The following UBXN4 variants were observed in gnomAD, a reference collection of about 807,000 sequenced individuals.
UBXN4 encodes the protein UBX domain-containing protein 4.
A neutral mutation model predicts 66.2 loss-of-function variants in UBXN4; 35 were observed. That is an observed-to-expected ratio of 0.53 (90% CI 0.40 to 0.70). UBXN4 has a LOEUF of 0.70. UBXN4 is among the 30% of genes least tolerant of loss of function. The pLI is 0.00. For synonymous variants in UBXN4, 203 were observed against 204.5 expected (o/e 0.99, Z 0.06); for missense variants, 533 against 599.8 (o/e 0.89, Z 1.16).
At chr2:135,767,456 A>G (rs1030583236) in intron 6 of UBXN4, among the ~76,000 whole-genome samples, 5 of 152,122 alleles carry the variant, frequency 3.3e-5, no homozygotes, top group Non-Finnish European at 5.9e-5. Context: ...GATGATCACT[A>G]TCCTGAATCG....
intron 6 of UBXN4, 70 bp from the exon 7 acceptor site, chr2:135,769,699 A>G (rs779895355): frequency 6.2e-6 from 7 of 1,134,538 alleles, no homozygotes; most frequent in Non-Finnish European, 8.5e-6. Context: ...AGCTAAATCC[A>G]TCTCCTAAAT....
chr2:135,755,965 A>G (rs2077277029), intron 5 of UBXN4, among the ~76,000 whole-genome samples: 1 of 152,216 alleles, frequency 6.6e-6, no homozygotes, highest in African/African-American at 2.4e-5. Context: ...ATGTCATGAC[A>G]CTGAGCAGTT....
chr2:135,760,892 C>T (rs751560979), intron 5 of UBXN4, among the ~76,000 whole-genome samples: 3 of 152,228 alleles, frequency 2.0e-5, no homozygotes, highest in Admixed American at 6.5e-5. Context: ...AGGTTATGCC[C>T]CTGAATGGGG....
intron 11 of UBXN4, 108 bp downstream of exon 11, chr2:135,779,187 A>G: frequency 2.5e-6 from 3 of 1,196,180 alleles, no homozygotes; most frequent in Non-Finnish European, 3.3e-6. Context: ...ACTGAAGGTA[A>G]TTAAAATTCA....
rs1327010489 is a variant in UBXN4 at position 135,779,011 on chromosome 2, AAAG to A, written c.1122_1124del (p.Glu374del). The stretch of plus-strand genomic sequence containing the variant: ...CATGTTTCCCAGGAGGGAATTTACC[AAAG>A]AAGATTATAAAAAGAAGTTACTGGA... On this transcript the variant is annotated inframe_deletion, in exon 11 of 13. Transcript: ENST00000272638. The A allele has an allele frequency of 6.2e-7, 1 of 1,613,760 alleles. No homozygotes were observed. The highest frequency in any genetic ancestry group is 8.5e-7 in the Non-Finnish European group (1 of 1,179,918).
At chr2:135,747,107 T>C (rs1387887452) in intron 1 of UBXN4, among the ~76,000 whole-genome samples, 1 of 152,042 alleles carries the variant, frequency 6.6e-6, no homozygotes, top group Admixed American at 6.6e-5. Context: ...GGAGTTACCA[T>C]AAACGAATAA....
chr2:135,756,765 T>C (rs760876627), intron 5 of UBXN4, among the ~76,000 whole-genome samples: 3 of 152,228 alleles, frequency 2.0e-5, no homozygotes, highest in Non-Finnish European at 4.4e-5. Context: ...TTAGCATTAC[T>C]TATTGTACAG....
chr2:135,775,185 G>T (rs576001090), intron 9 of UBXN4, among the ~76,000 whole-genome samples: 9 of 152,322 alleles, frequency 5.9e-5, no homozygotes, highest in African/African-American at 2.2e-4. Context: ...GAACCTTTCT[G>T]TGTTACTGGT....
chr2:135,775,650 G>T (rs1199735675), intron 9 of UBXN4, among the ~76,000 whole-genome samples: 6 of 152,194 alleles, frequency 3.9e-5, no homozygotes, highest in Non-Finnish European at 8.8e-5. Flanking sequence ...GGGAGTGACT[G>T]CTGATGGGGT....
Position 135,783,251 on chromosome 2 carries a change from C to T in UBXN4, c.*364C>T, listed in dbSNP as rs1355750384. ...TCCAAGACTCTTAAGCCCAAAGTAA[C>T]TGGTATGTCACTGAGTAACTTGACT... On this transcript the variant is annotated 3_prime_UTR_variant, in exon 13 of 13. Coordinates refer to ENST00000272638, the MANE Select transcript of UBXN4 (RefSeq NM_014607.4). 6.3e-6 allele frequency: 1 copy of T among 158,042 alleles called. No homozygotes were observed. Among genetic ancestry groups the T allele is most frequent in the Non-Finnish European group, 1.4e-5 (1 of 72,066 alleles). 9.8% of individuals were successfully genotyped at this position (158,042 alleles called of 1,614,324 possible). A position where few individuals can be genotyped will look rare whatever the true frequency, so the allele number is the denominator to read the frequency against.
intron 8 of UBXN4, 34 bp downstream of exon 8, chr2:135,770,769 G>A (rs745602341): frequency 6.9e-7 from 1 of 1,446,790 alleles, no homozygotes; most frequent in Non-Finnish European, 9.1e-7. Context: ...TCGTGAAACT[G>A]TTTTTCTGTG....
At chr2:135,780,497 C>T (rs2077443269) in intron 12 of UBXN4, 112 bp downstream of exon 12, 17 of 943,070 alleles carry the variant, frequency 1.8e-5, no homozygotes, top group South Asian at 7.9e-5. Context: ...CCAGTTCCCA[C>T]GGTGGAGGAG....
chr2:135,741,958 C>T lies in UBXN4; in HGVS notation c.29C>T (p.Ala10Val), dbSNP rs1485235372. Residue 10 changes from alanine to valine, a missense_variant, in exon 1 of 13, where the codon GCC becomes GTC. By Grantham distance (64) the Ala-to-Val change is moderately conservative. Coordinates refer to ENST00000272638, the MANE Select transcript of UBXN4 (RefSeq NM_014607.4). The part of the protein sequence containing the change: MLWFQGAIP[A>V]AIATAKRSGA... ...CTGTGGTTCCAGGGCGCCATTCCGG[C>T]CGCCATCGCGACGGCCAAAAGGAGC... is the stretch of plus-strand genomic sequence containing the variant. 2 of 1,613,158 alleles carry T rather than the reference C, an allele frequency of 1.2e-6. No individual in the cohort carries two copies. Among genetic ancestry groups the T allele is most frequent in the African/African-American group, 1.3e-5 (1 of 74,882 alleles).
Position 135,784,604 on chromosome 2 carries a change from AAG to A in UBXN4, c.*1719_*1720del, listed in dbSNP as rs1376265278. On this transcript the variant is annotated 3_prime_UTR_variant, in exon 13 of 13. Coordinates refer to ENST00000272638, the MANE Select transcript of UBXN4 (RefSeq NM_014607.4). ...CATAACTTAAAAAGTGAGTTTGAAA[AAG>A]AAAATCTCCAGCAAGCATCTCATTT... is the stretch of plus-strand genomic sequence containing the variant. 6.5e-6 allele frequency: 1 copy of A among 152,674 alleles called. No homozygotes were observed. The highest frequency in any genetic ancestry group is 1.5e-5 in the Non-Finnish European group (1 of 68,032). 9.5% of individuals were successfully genotyped at this position (152,674 alleles called of 1,614,324 possible). A position where few individuals can be genotyped will look rare whatever the true frequency, so the allele number is the denominator to read the frequency against.
At chr2:135,768,607 A>C (rs559351697) in intron 6 of UBXN4, among the ~76,000 whole-genome samples, 2 of 151,184 alleles carry the variant, frequency 1.3e-5, no homozygotes, top group Non-Finnish European at 2.9e-5. Flanking sequence ...ACTCTCGCCC[A>C]GGCTGGAGTA....
chr2:135,769,813 A>T lies in UBXN4; in HGVS notation c.647A>T (p.Glu216Val). ...LEERREEKRK[E>V]EEQREIKKEI... ...GAAAGGAGAGAAGAGAAAAGAAAAG[A>T]GGAAGAACAGGTAAAGTTCATGCAG... is the stretch of plus-strand genomic sequence containing the variant. The change falls in exon 7 of 13, where the codon GAG becomes GTG. Residue 216 changes from glutamate to valine, a missense_variant. This residue lies in a region of UBXN4 where 529 missense variants were observed against 580.1 expected (regional missense o/e 0.91). Transcript: ENST00000272638. 3 of 1,599,196 alleles carry T rather than the reference A, an allele frequency of 1.9e-6. No homozygotes were observed. The highest frequency in any genetic ancestry group is 2.6e-6 in the Non-Finnish European group (3 of 1,174,968).
At chr2:135,749,348 G>T (rs1215141432) in intron 2 of UBXN4, among the ~76,000 whole-genome samples, 4 of 152,280 alleles carry the variant, frequency 2.6e-5, no homozygotes, top group African/African-American at 9.6e-5. Flanking sequence ...GACATTTATA[G>T]GTTCCTCAAA....
intron 6 of UBXN4, among the ~76,000 whole-genome samples, chr2:135,764,908 A>C (rs1260566836): frequency 6.6e-6 from 1 of 152,144 alleles, no homozygotes. Context: ...TCCTCCACCC[A>C]GTTCAAGTGG....
At chr2:135,757,328 T>A (rs1314494568) in intron 5 of UBXN4, among the ~76,000 whole-genome samples, 2 of 152,274 alleles carry the variant, frequency 1.3e-5, no homozygotes, top group Non-Finnish European at 2.9e-5. Flanking sequence ...CATTTTTTAG[T>A]TGTAGGATTT....
Sources: allele counts gnomAD v4.1 joint callset (sites outside exome capture counted in the v4.1 genomes callset), GRCh38; gene constraint gnomAD v4.1.1; regional missense constraint gnomAD v4.1.1; transcripts MANE v1.5; gene names NCBI Gene and HGNC (gene_info 2026-07-23, HGNC 2026-07-21).